The following SEMA5A variants were observed in gnomAD, a reference collection of about 807,000 sequenced individuals.
The protein encoded by SEMA5A is semaphorin-5A.
A neutral mutation model predicts 135.5 loss-of-function variants in SEMA5A; 55 were observed. The observed-to-expected ratio is 0.41, with a 90% confidence interval of 0.33 to 0.51. The LOEUF (loss-of-function observed/expected upper bound fraction) is 0.51. Ranked by LOEUF, SEMA5A falls within the 20% of genes least tolerant of loss-of-function variation. The probability of loss-of-function intolerance (pLI) is 0.37; values close to 1 mark genes in which losing one functional copy is unlikely to be tolerated. For synonymous variants in SEMA5A, 580 were observed against 546.5 expected, an observed-to-expected ratio of 1.06 and a Z score of -0.85; for missense variants, 1,290 against 1,419.9, an observed-to-expected ratio of 0.91 and a Z score of 1.47.
Position 9,351,463 on chromosome 5 carries a change from CCCA to C in SEMA5A, c.125-13654_125-13652del, listed in dbSNP as rs1754112104. On this transcript the variant is annotated intron_variant, in intron 3 of 22. Coordinates refer to ENST00000382496, the MANE Select transcript of SEMA5A (RefSeq NM_003966.3). ...ATCTTTCTTCACATATTTTATAGCC[CCCA>C]CCGTTTTTTTTTCAAAATTAACATA... Among the ~76,000 whole-genome samples, 4 of 146,126 alleles carry C rather than the reference CCCA, an allele frequency of 2.7e-5. No homozygotes were observed. In the South Asian group the frequency reaches 8.7e-4, roughly 32 times the overall value.
At position 9,042,822 on chromosome 5, in the gene SEMA5A, C is replaced by T. The variant is rs1235349984; in HGVS notation, c.*75G>A. On this transcript the variant is annotated 3_prime_UTR_variant, in exon 23 of 23. Coordinates refer to ENST00000382496, the MANE Select transcript of SEMA5A (RefSeq NM_003966.3). ...TATCCAAACTTCGACTCTGAAGCCT[C>T]AGAAACATGGGCAGTCATGGGGCAC... The T allele has an allele frequency of 1.5e-5, 23 of 1,571,912 alleles. No homozygotes were observed. The highest frequency in any genetic ancestry group is 1.9e-5 in the Non-Finnish European group (22 of 1,147,886).
chr5:9,503,850 G>C (rs1051962618), intron 1 of SEMA5A, among the ~76,000 whole-genome samples: 1 of 152,194 alleles, frequency 6.6e-6, no homozygotes, highest in African/African-American at 2.4e-5. Context: ...TAAATGTCCA[G>C]AGTAATGCCT....
chr5:9,408,989 G>C (rs1050383008), intron 2 of SEMA5A, among the ~76,000 whole-genome samples: 1 of 152,136 alleles, frequency 6.6e-6, no homozygotes, highest in Non-Finnish European at 1.5e-5. Context: ...AGACATCACT[G>C]TTTTTACGGC....
At chr5:9,110,664 G>A (rs1740190382) in intron 15 of SEMA5A, among the ~76,000 whole-genome samples, 1 of 152,172 alleles carries the variant, frequency 6.6e-6, no homozygotes, top group African/African-American at 2.4e-5. Flanking sequence ...TGTGTAGGGG[G>A]TGAAGGAGCC....
chr5:9,425,074 C>G (rs1397382291), intron 2 of SEMA5A, among the ~76,000 whole-genome samples: 1 of 152,174 alleles, frequency 6.6e-6, no homozygotes, highest in Non-Finnish European at 1.5e-5. Context: ...TTACAAAGCC[C>G]TACATATGCT....
Position 9,292,679 on chromosome 5 carries a change from C to T in SEMA5A, c.270+25693G>A, listed in dbSNP as rs1238042121. ...AAAAAACCATGTTTGTTTGAAAATA[C>T]ACACTCAAGTCCATACAAAGAAAAA... is the stretch of plus-strand genomic sequence containing the variant. On this transcript the variant is annotated intron_variant, in intron 5 of 22. Coordinates refer to ENST00000382496, the MANE Select transcript of SEMA5A (RefSeq NM_003966.3). Among the ~76,000 whole-genome samples the T allele has an allele frequency of 3.3e-5, 5 of 152,068 alleles. No homozygotes were observed. The East Asian group carries it at 5.8e-4, about 18-fold the overall frequency.
intron 11 of SEMA5A, among the ~76,000 whole-genome samples, chr5:9,188,241 G>A (rs1744912208): frequency 6.6e-6 from 1 of 152,154 alleles, no homozygotes; most frequent in African/African-American, 2.4e-5. Flanking sequence ...GCCGTCACCA[G>A]GAAATGAGTC....
chr5:9,161,169 T>G (rs890160689), intron 11 of SEMA5A, among the ~76,000 whole-genome samples: 1 of 152,026 alleles, frequency 6.6e-6, no homozygotes, highest in African/African-American at 2.4e-5. Flanking sequence ...GAAATACTGT[T>G]CTTAGAGCAG....
rs1739719789 is a variant in SEMA5A at position 9,103,131 on chromosome 5, G to A, written c.2073+5009C>T. The stretch of plus-strand genomic sequence containing the variant: ...CTGGATTGTCTCAGGACCTCTGAGT[G>A]GAAAGACCTGGACCGGGGGTCTTGC... On this transcript the variant is annotated intron_variant, in intron 16 of 22. Coordinates refer to ENST00000382496, the MANE Select transcript of SEMA5A (RefSeq NM_003966.3). Among the ~76,000 whole-genome samples, 4 of 152,152 alleles carry A rather than the reference G, an allele frequency of 2.6e-5. No homozygotes were observed. In the South Asian group the frequency reaches 8.3e-4, roughly 32 times the overall value.
intron 13 of SEMA5A, among the ~76,000 whole-genome samples, chr5:9,126,967 T>C (rs1741148230): frequency 6.6e-6 from 1 of 152,222 alleles, no homozygotes; most frequent in Admixed American, 6.5e-5. Context: ...TCATTGCTCA[T>C]GCCTATTCTT....
chr5:9,054,613 C>T (rs1206072762), intron 18 of SEMA5A, among the ~76,000 whole-genome samples: 1 of 152,186 alleles, frequency 6.6e-6, no homozygotes, highest in Admixed American at 6.5e-5. Context: ...TGAGAACAAC[C>T]ATGAACCACC....
At position 9,504,021 on chromosome 5, in the gene SEMA5A, C is replaced by G. The variant is rs924508701; in HGVS notation, c.-175+41563G>C. ...CACAAGGTCAGGGATTTGAGACTAG[C>G]CTGGCCAACATGGTGAAACCCTGTC... On this transcript the variant is annotated intron_variant, in intron 1 of 22. Coordinates refer to ENST00000382496, the MANE Select transcript of SEMA5A (RefSeq NM_003966.3). 1.1e-4 allele frequency among the ~76,000 whole-genome samples: 17 copies of G among 151,922 alleles called. No homozygotes were observed. In the Middle Eastern group the frequency reaches 0.01, roughly 91 times the overall value.
intron 3 of SEMA5A, among the ~76,000 whole-genome samples, chr5:9,338,138 G>T (rs1038717560): frequency 3.9e-5 from 6 of 152,164 alleles, no homozygotes; most frequent in Non-Finnish European, 8.8e-5. Flanking sequence ...TTCATCAGAG[G>T]AATACTGAAT....
intron 11 of SEMA5A, among the ~76,000 whole-genome samples, chr5:9,188,199 T>C (rs1053741388): frequency 3.9e-5 from 6 of 152,160 alleles, no homozygotes; most frequent in African/African-American, 1.4e-4. Context: ...AGGACACAAC[T>C]AGCAGGCAGC....
rs768413854 is a variant in SEMA5A, at chr5:9,201,928, G to A, written c.932+27C>T. ...TTATTCAGAATGAGTAAGAGAGAGG[G>A]GAGAAAAATTATTTCAAGTTACATA... On this transcript the variant is annotated intron_variant, in intron 9 of 22. Coordinates refer to ENST00000382496, the MANE Select transcript of SEMA5A (RefSeq NM_003966.3). 7 of 1,599,850 alleles carry A rather than the reference G, an allele frequency of 4.4e-6. No individual in the cohort carries two copies. The East Asian group carries it at 1.1e-4, about 26-fold the overall frequency.
chr5:9,166,057 T>C (rs571284001), intron 11 of SEMA5A, among the ~76,000 whole-genome samples: 1 of 152,296 alleles, frequency 6.6e-6, no homozygotes, highest in African/African-American at 2.4e-5. Flanking sequence ...GCTTATTTTT[T>C]CCCTGAAAAG....
intron 1 of SEMA5A, among the ~76,000 whole-genome samples, chr5:9,504,213 AAAAAAAAAAAG>A (rs1234338134): frequency 4.5e-5 from 5 of 112,126 alleles, no homozygotes; most frequent in Non-Finnish European, 8.4e-5. Flanking sequence ...ACTCCGTCTC[AAAAAAAAAAAG>A]AAAAAAAAAA....
Position 9,516,277 on chromosome 5 carries a change from C to T in SEMA5A, c.-175+29307G>A, listed in dbSNP as rs563935370. On this transcript the variant is annotated intron_variant, in intron 1 of 22. Coordinates refer to ENST00000382496, the MANE Select transcript of SEMA5A (RefSeq NM_003966.3). ...ACACCACGCAACACATAAATACACA[C>T]GTATACACACACACCACACACACAC... is the stretch of plus-strand genomic sequence containing the variant. Among the ~76,000 whole-genome samples, 208 of 152,072 alleles carry T rather than the reference C, an allele frequency of 1.4e-3. 1 individual carries two copies. The highest frequency in any genetic ancestry group is 2.1e-3 in the Non-Finnish European group (141 of 67,960).
chr5:9,439,004 G>A (rs901927651), intron 1 of SEMA5A, among the ~76,000 whole-genome samples: 4 of 152,164 alleles, frequency 2.6e-5, no homozygotes, highest in Admixed American at 6.5e-5. Context: ...CCTCCAGGAC[G>A]GGCCTTTGGT....
Sources: allele counts gnomAD v4.1 joint callset (sites outside exome capture counted in the v4.1 genomes callset), GRCh38; gene constraint gnomAD v4.1.1; transcripts MANE v1.5; gene names NCBI Gene and HGNC (gene_info 2026-07-23, HGNC 2026-07-21).